The following DTNBP1 variants were observed in gnomAD, a reference collection of about 807,000 sequenced individuals.
The protein encoded by DTNBP1 is dystrobrevin binding protein 1, also known as dysbindin.
DTNBP1 carries 35 observed loss-of-function variants against 42.8 expected under a neutral mutation model. The observed-to-expected ratio is 0.82, with a 90% CI of 0.63 to 1.09. DTNBP1 has a LOEUF of 1.09. Ranked by LOEUF, DTNBP1 falls within the 50% of genes least tolerant of loss-of-function variation. The pLI is 0.00. For synonymous variants in DTNBP1, 171 were observed against 162.2 expected (o/e 1.05, Z -0.41); for missense variants, 457 against 424.2 (o/e 1.08, Z -0.68).
At chr6:15,549,729 C>T (rs1166938224) in intron 7 of DTNBP1, among the ~76,000 whole-genome samples, 1 of 152,076 alleles carries the variant, frequency 6.6e-6, no homozygotes, top group Non-Finnish European at 1.5e-5. Flanking sequence ...AGCTAGCTGT[C>T]GACCAAACCG....
chr6:15,533,596 G>A, intron 7 of DTNBP1: 1 of 842,574 alleles, frequency 1.2e-6, no homozygotes, highest in African/African-American at 1.7e-5. Flanking sequence ...GGGCGGTCAG[G>A]GTCAGGCCCT....
chr6:15,592,806 CCTCAAAGTTAGCACTG>C (rs1391990945), intron 7 of DTNBP1, among the ~76,000 whole-genome samples: 6 of 152,112 alleles, frequency 3.9e-5, no homozygotes, highest in Non-Finnish European at 5.9e-5. Context: ...TTCTCAACAA[CCTCAAAGTTAGCACTG>C]CACCTTCCTA....
At chr6:15,634,840 C>T (rs1759915051) in intron 4 of DTNBP1, among the ~76,000 whole-genome samples, 1 of 152,112 alleles carries the variant, frequency 6.6e-6, no homozygotes, top group African/African-American at 2.4e-5. Flanking sequence ...ATATATGTCC[C>T]ACTGTTTAGA....
intron 3 of DTNBP1, among the ~76,000 whole-genome samples, chr6:15,648,964 A>T (rs1244779315): frequency 6.6e-6 from 1 of 152,020 alleles, no homozygotes; most frequent in African/African-American, 2.4e-5. Context: ...ACACAGGGGA[A>T]AATCCTCATA....
rs980377509 is a variant in DTNBP1, at chr6:15,541,078, G to A, written c.512-7683C>T. ...CATTTCAGAGCCCTTTTTGTATCTC[G>A]GGGCTAAGCACTAAGCCAGCTTCAC... is the stretch of plus-strand genomic sequence containing the variant. On this transcript the variant is annotated intron_variant, in intron 7 of 9. Transcript: ENST00000344537. Among the ~76,000 whole-genome samples, 10 of 152,186 alleles carry A rather than the reference G, an allele frequency of 6.6e-5. No homozygotes were observed. In the South Asian group the frequency reaches 8.3e-4, roughly 13 times the overall value.
At chr6:15,524,418 TG>T (rs774060953) in intron 9 of DTNBP1, 107 bp downstream of exon 9, 1 of 1,614,118 alleles carries the variant, frequency 6.2e-7, no homozygotes, top group Admixed American at 1.7e-5. Context: ...GCTGTGAGCT[TG>T]GGGGTTTATG....
intron 7 of DTNBP1, among the ~76,000 whole-genome samples, chr6:15,545,516 A>G (rs1459409992): frequency 1.3e-5 from 2 of 152,148 alleles, no homozygotes; most frequent in Non-Finnish European, 2.9e-5. Context: ...CTTTACACAC[A>G]TTAATCAAGT....
chr6:15,579,339 CTTGACTGCATAGAAG>C (rs1417521091), intron 7 of DTNBP1, among the ~76,000 whole-genome samples: 1 of 152,170 alleles, frequency 6.6e-6, no homozygotes, highest in Non-Finnish European at 1.5e-5. Context: ...AGCTAAAAAA[CTTGACTGCATAGAAG>C]TAGAGACTAG....
intron 4 of DTNBP1, among the ~76,000 whole-genome samples, chr6:15,630,281 T>C (rs911669903): frequency 5.9e-5 from 9 of 152,198 alleles, no homozygotes; most frequent in East Asian, 5.8e-4. Context: ...AGCCATTTTA[T>C]AGATGAGAAA....
chr6:15,652,820 C>T (rs527594240), intron 1 of DTNBP1, among the ~76,000 whole-genome samples: 2 of 152,196 alleles, frequency 1.3e-5, no homozygotes, highest in Admixed American at 6.5e-5. Context: ...TTTGGTCTCA[C>T]TATGTTGCCC....
intron 7 of DTNBP1, among the ~76,000 whole-genome samples, chr6:15,569,359 C>A (rs181028830): frequency 1.5e-5 from 2 of 135,986 alleles, no homozygotes; most frequent in Non-Finnish European, 3.2e-5. Context: ...TAAGACCCCC[C>A]CCCGCCCGCC....
At chr6:15,579,882 T>C (rs1361063352) in intron 7 of DTNBP1, 1 of 455,476 alleles carries the variant, frequency 2.2e-6, no homozygotes, top group African/African-American at 2.0e-5. Flanking sequence ...ATAGATATGC[T>C]AATTATCCTG....
At chr6:15,658,805 G>A (rs2113829327) in intron 1 of DTNBP1, among the ~76,000 whole-genome samples, 1 of 152,314 alleles carries the variant, frequency 6.6e-6, no homozygotes, top group South Asian at 2.1e-4. Flanking sequence ...CTCTCCAAAA[G>A]GCTCCAAGAA....
At chr6:15,576,722 T>A (rs1185900196) in intron 7 of DTNBP1, among the ~76,000 whole-genome samples, 1 of 136,434 alleles carries the variant, frequency 7.3e-6, no homozygotes, top group African/African-American at 2.8e-5. Flanking sequence ...TGAGCCGAGA[T>A]CACACCACTG....
intron 7 of DTNBP1, among the ~76,000 whole-genome samples, chr6:15,570,279 C>T (rs1248817605): frequency 6.6e-6 from 1 of 152,000 alleles, no homozygotes; most frequent in Non-Finnish European, 1.5e-5. Context: ...GGTATATATT[C>T]TCATTAAAGC....
chr6:15,633,063 T>C (rs1424698467), intron 4 of DTNBP1, among the ~76,000 whole-genome samples: 1 of 152,214 alleles, frequency 6.6e-6, no homozygotes, highest in Non-Finnish European at 1.5e-5. Context: ...TTGTTAGAAA[T>C]TTAAATTGTC....
intron 7 of DTNBP1, among the ~76,000 whole-genome samples, chr6:15,549,524 C>G (rs927539272): frequency 6.7e-6 from 1 of 148,958 alleles, no homozygotes; most frequent in East Asian, 2.0e-4. Context: ...AAAAGGGAAC[C>G]GAAATATCGC....
chr6:15,636,397 C>T (rs1229799501), intron 4 of DTNBP1, among the ~76,000 whole-genome samples: 1 of 152,084 alleles, frequency 6.6e-6, no homozygotes, highest in Non-Finnish European at 1.5e-5. Context: ...GTAATCCACC[C>T]ACCTTGGCCT....
chr6:15,541,189 G>A (rs563311724), intron 7 of DTNBP1, among the ~76,000 whole-genome samples: 1 of 152,258 alleles, frequency 6.6e-6, no homozygotes, highest in South Asian at 2.1e-4. Flanking sequence ...AAATAACTTT[G>A]CTGCCCAACA....
Sources: allele counts gnomAD v4.1 joint callset (sites outside exome capture counted in the v4.1 genomes callset), GRCh38; gene constraint gnomAD v4.1.1; transcripts MANE v1.5; gene names NCBI Gene and HGNC (gene_info 2026-07-23, HGNC 2026-07-21).